Variants in SATL1 observed in about 807,000 individuals in gnomAD.
SATL1 encodes the protein spermidine/spermine N1-acetyl transferase like 1.
SATL1 carries 47 observed loss-of-function variants against 51.8 expected under a neutral mutation model. The observed-to-expected ratio is 0.91, with a 90% CI of 0.72 to 1.16. SATL1 has a LOEUF of 1.16. Among genes scored for constraint, SATL1 ranks in the 50% most tolerant of loss-of-function variants. The pLI, the probability that SATL1 is intolerant of heterozygous loss-of-function variation, is 0.00. For synonymous variants in SATL1, 176 were observed against 182.4 expected (o/e 0.97, Z 0.28); for missense variants, 520 against 526.4 (o/e 0.99, Z 0.12).
intron 2 of SATL1, among the ~76,000 whole-genome samples, chrX:85,160,499 T>C (rs775657283): frequency 2.7e-5 from 3 of 110,473 alleles, no homozygotes; most frequent in Non-Finnish European, 5.7e-5. Context: ...GAAACTGACC[T>C]GATAGAGCTG....
intron 2 of SATL1, among the ~76,000 whole-genome samples, chrX:85,141,297 G>A (rs1407272368): frequency 8.9e-6 from 1 of 112,157 alleles, no homozygotes; most frequent in Non-Finnish European, 1.9e-5. Flanking sequence ...GTTGGGAGAA[G>A]AAAGGTGTTT....
In SATL1 at chrX:85,094,193, G is replaced by A; in HGVS notation, c.1811C>T (p.Thr604Ile). ...TACCTTGCCAGTCCATGAGTCGTAT[G>A]TAAAGTAGTACATGGCAAATCCAAC... ...LTVGFAMYYF[T>I]YDSWTGKVLY... The change falls in exon 6 of 8, where the codon ACA (threonine) becomes ATA (isoleucine). Residue 604 changes from threonine to isoleucine, a missense_variant. Physicochemically the swap from Thr to Ile is moderately conservative, Grantham distance 89 (BLOSUM62 -1). Coordinates refer to ENST00000644105, the MANE Select transcript of SATL1 (RefSeq NM_001367857.2). 2.5e-6 allele frequency: 3 copies of A among 1,188,717 alleles called. No homozygotes were observed. Among genetic ancestry groups the A allele is most frequent in the Non-Finnish European group, 3.4e-6 (3 of 875,148 alleles).
chrX:85,122,457 G>T lies in SATL1; in HGVS notation c.-312-13177C>A, dbSNP rs188490961. Among the ~76,000 whole-genome samples the T allele has an allele frequency of 1.1e-3, 119 of 111,129 alleles. 2 individuals are homozygous for T. The Admixed American group carries it at 0.011, about 11-fold the overall frequency. On this transcript the variant is annotated intron_variant, in intron 2 of 7. Coordinates refer to ENST00000644105, the MANE Select transcript of SATL1 (RefSeq NM_001367857.2). The stretch of plus-strand genomic sequence containing the variant: ...CTCTGAAGTTTAAGAATCACATTCT[G>T]TCATACTACTTATCACCATGAGTTA...
chrX:85,122,608 T>A lies in SATL1; in HGVS notation c.-312-13328A>T, dbSNP rs5967544. On this transcript the variant is annotated intron_variant, in intron 2 of 7. Coordinates refer to ENST00000644105, the MANE Select transcript of SATL1 (RefSeq NM_001367857.2). ...CTCGATTCATATTGGAACAAATAAA[T>A]AAGTGTACAAAAAAAAAGAAAAGAA... 9.7e-3 allele frequency among the ~76,000 whole-genome samples: 1,069 copies of A among 110,601 alleles called. 14 individuals carry two copies. Among genetic ancestry groups the A allele is most frequent in the African/African-American group, 0.033 (1,017 of 30,602 alleles).
chrX:85,142,253 A>G (rs1297142008), intron 2 of SATL1, among the ~76,000 whole-genome samples: 2 of 106,731 alleles, frequency 1.9e-5, no homozygotes, highest in South Asian at 4.5e-4. Context: ...AAAATTAGCC[A>G]GGCGTGGTGG....
In SATL1 at chrX:85,113,918, C is replaced by T. The variant is rs1381634395; in HGVS notation, c.-312-4638G>A. ...GATCCCTGGGCCCGTCAGAAAGTGA[C>T]ATTCTTTACTTACCACAGGTTAGTA... On this transcript the variant is annotated intron_variant, in intron 2 of 7. Transcript: ENST00000644105. Among the ~76,000 whole-genome samples, 4 of 111,463 alleles carry T rather than the reference C, an allele frequency of 3.6e-5. No individual in the cohort carries two copies. In the East Asian group the frequency reaches 1.1e-3, roughly 32 times the overall value.
In SATL1 at chrX:85,107,817, T is replaced by C. The variant is rs754555505; in HGVS notation, c.1152A>G (p.Leu384=). The change falls in exon 3 of 8, where the codon CTA becomes CTG. Residue 384 remains leucine (L), a synonymous_variant. Coordinates refer to ENST00000644105, the MANE Select transcript of SATL1 (RefSeq NM_001367857.2). ...GGCTCCCACCTGACTGTCTCATGTC[T>C]AGTTGCCACATCACTGGTTGGCTTA... ...SGISQPVMWQ[L]DMRQSGGSQP... 1.4e-5 allele frequency: 17 copies of C among 1,209,797 alleles called. No individual in the cohort carries two copies. Among genetic ancestry groups the C allele is most frequent in the Admixed American group, 4.4e-5 (2 of 45,713 alleles).
chrX:85,236,227 GGCTTCA>G (rs1253843331), intron 1 of SATL1, among the ~76,000 whole-genome samples: 1 of 110,967 alleles, frequency 9.0e-6, no homozygotes, highest in Non-Finnish European at 1.9e-5. Context: ...GGGACCCTAT[GGCTTCA>G]CTGCTGAACT....
intron 2 of SATL1, among the ~76,000 whole-genome samples, chrX:85,189,769 A>G (rs745788141): frequency 3.6e-5 from 4 of 112,198 alleles, no homozygotes; most frequent in Non-Finnish European, 7.5e-5. Flanking sequence ...GAGCGAGACA[A>G]CTGCTATCAA....
At chrX:85,176,175 A>T (rs946701126) in intron 2 of SATL1, among the ~76,000 whole-genome samples, 2 of 112,188 alleles carry the variant, frequency 1.8e-5, no homozygotes, top group Admixed American at 9.5e-5. Context: ...GACTTCACTC[A>T]TAATAAGAGA....
chrX:85,197,533 C>A (rs887216728), intron 2 of SATL1, among the ~76,000 whole-genome samples: 1 of 108,635 alleles, frequency 9.2e-6, no homozygotes, highest in Non-Finnish European at 1.9e-5. Context: ...TTTTAGGGTA[C>A]ATGTGCACAA....
At chrX:85,145,392 C>G (rs997537463) in intron 2 of SATL1, among the ~76,000 whole-genome samples, 1 of 111,860 alleles carries the variant, frequency 8.9e-6, no homozygotes, top group Non-Finnish European at 1.9e-5. Context: ...TGGAATAGTA[C>G]TTGGCACATA....
chrX:85,193,820 C>A (rs746945975), intron 2 of SATL1, among the ~76,000 whole-genome samples: 21 of 112,169 alleles, frequency 1.9e-4, no homozygotes, highest in Non-Finnish European at 3.6e-4. Context: ...TGGCCTTCAG[C>A]TCCATCCATG....
At chrX:85,101,290 T>G (rs900609714) in intron 4 of SATL1, among the ~76,000 whole-genome samples, 7 of 112,109 alleles carry the variant, frequency 6.2e-5, no homozygotes, top group Non-Finnish European at 1.1e-4. Context: ...GGAAATAACA[T>G]CTGATAAGGG....
intron 2 of SATL1, among the ~76,000 whole-genome samples, chrX:85,122,540 G>T (rs1440218272): frequency 9.0e-6 from 1 of 111,077 alleles, no homozygotes; most frequent in Non-Finnish European, 1.9e-5. Context: ...CCCTGCCTGT[G>T]TTGCTTACCA....
chrX:85,225,605 T>G (rs1227302839), intron 1 of SATL1, among the ~76,000 whole-genome samples: 1 of 111,836 alleles, frequency 8.9e-6, no homozygotes, highest in Non-Finnish European at 1.9e-5. Flanking sequence ...GCATTCTGGA[T>G]AGATGGGGGA....
rs759440964 is a variant in SATL1 at position 85,168,986 on chromosome X, G to T, written c.-313+55219C>A. ...TAAGGCCATACACCTATAACCATCC[G>T]ATCTTTGACAAAGATGACAAAAACA... On this transcript the variant is annotated intron_variant, in intron 2 of 7. Transcript: ENST00000644105. Among the ~76,000 whole-genome samples, 118 of 111,726 alleles carry T rather than the reference G, an allele frequency of 1.1e-3. 1 individual carries two copies. Among genetic ancestry groups the T allele is most frequent in the Non-Finnish European group, 1.4e-3 (72 of 53,065 alleles).
intron 2 of SATL1, among the ~76,000 whole-genome samples, chrX:85,120,878 A>G (rs1569231245): frequency 9.0e-6 from 1 of 111,603 alleles, no homozygotes; most frequent in Non-Finnish European, 1.9e-5. Flanking sequence ...ACCTATGGTG[A>G]TGATACTCCC....
At chrX:85,195,487 T>G (rs1927537901) in intron 2 of SATL1, among the ~76,000 whole-genome samples, 1 of 111,522 alleles carries the variant, frequency 9.0e-6, no homozygotes, top group African/African-American at 3.3e-5. Flanking sequence ...CATTTTGGAT[T>G]AGAACTGGAA....
Sources: allele counts gnomAD v4.1 joint callset (sites outside exome capture counted in the v4.1 genomes callset), GRCh38; gene constraint gnomAD v4.1.1; transcripts MANE v1.5; gene names NCBI Gene and HGNC (gene_info 2026-07-23, HGNC 2026-07-21).